RBFOX1: variants seen among roughly 807,000 people sequenced by gnomAD.
RBFOX1 encodes RNA binding fox-1 homolog 1.
A neutral mutation model predicts 57.7 loss-of-function variants in RBFOX1; 8 were observed. The ratio of observed to expected loss-of-function variants is 0.14; its 90% CI spans 0.08 to 0.25. The LOEUF (loss-of-function observed/expected upper bound fraction) is 0.25. RBFOX1 is among the 10% of genes least tolerant of loss of function. RBFOX1 has a pLI of 1.00. For missense variants in RBFOX1, 611 were observed against 548.5 expected (o/e 1.11, Z -1.14); for synonymous variants, 326 against 222.4 (o/e 1.47, Z -4.15).
chr16:6,927,340 G>C (rs1444085712), intron 3 of RBFOX1, among the ~76,000 whole-genome samples: 1 of 144,550 alleles, frequency 6.9e-6, no homozygotes, highest in Non-Finnish European at 1.5e-5. Flanking sequence ...TGGAACCCGG[G>C]AGGCAGAGGT....
chr16:7,541,505 G>T (rs1507026), intron 5 of RBFOX1, among the ~76,000 whole-genome samples: 7 of 151,660 alleles, frequency 4.6e-5, no homozygotes, highest in Admixed American at 3.9e-4. Flanking sequence ...AGTGAATTCA[G>T]TGTTCACTGT....
At chr16:5,668,337 G>T (rs1004570962) in intron 3 of RBFOX1, among the ~76,000 whole-genome samples, 1 of 152,040 alleles carries the variant, frequency 6.6e-6, no homozygotes, top group Non-Finnish European at 1.5e-5. Flanking sequence ...TATAATTAAG[G>T]TCATCTCTGA....
chr16:6,224,758 C>T (rs1011900200), intron 1 of RBFOX1, among the ~76,000 whole-genome samples: 3 of 152,116 alleles, frequency 2.0e-5, no homozygotes, highest in Admixed American at 6.6e-5. Context: ...CGGTGGCTCA[C>T]GCCCATAATC....
intron 4 of RBFOX1, among the ~76,000 whole-genome samples, chr16:7,357,065 T>G (rs2097228546): frequency 6.6e-6 from 1 of 152,128 alleles, no homozygotes; most frequent in Non-Finnish European, 1.5e-5. Flanking sequence ...CTTGGAACAT[T>G]CTGCATCAAG....
intron 2 of RBFOX1, among the ~76,000 whole-genome samples, chr16:6,510,167 G>C (rs1375655960): frequency 6.6e-6 from 1 of 152,128 alleles, no homozygotes; most frequent in African/African-American, 2.4e-5. Context: ...GGAAACATAT[G>C]TATGCTCTCT....
At chr16:5,360,472 C>G (rs1239916741) in intron 1 of RBFOX1, among the ~76,000 whole-genome samples, 1 of 152,216 alleles carries the variant, frequency 6.6e-6, no homozygotes, top group African/African-American at 2.4e-5. Context: ...CATGCATCAC[C>G]TACATGCACA....
intron 3 of RBFOX1, among the ~76,000 whole-genome samples, chr16:6,992,222 G>C (rs556557704): frequency 6.6e-6 from 1 of 151,018 alleles, no homozygotes; most frequent in East Asian, 2.0e-4. Flanking sequence ...GGAGTGCAGT[G>C]GTGCAATCTC....
chr16:7,710,886 T>C lies in RBFOX1; in HGVS notation c.*141T>C, dbSNP rs1313503917. 1.1e-6 allele frequency: 1 copy of C among 888,716 alleles called. No homozygotes were observed. 55.1% of individuals were successfully genotyped at this position (888,716 alleles called of 1,614,324 possible). ...CAAATAAAAAGGAAAAAAAATTACA[T>C]TTTTTATCTTATACCTCAGATATTT... On this transcript the variant is annotated 3_prime_UTR_variant, in exon 16 of 16. Coordinates refer to ENST00000550418, the MANE Select transcript of RBFOX1 (RefSeq NM_018723.4).
intron 4 of RBFOX1, among the ~76,000 whole-genome samples, chr16:7,340,714 G>C (rs2096875249): frequency 6.6e-6 from 1 of 152,182 alleles, no homozygotes; most frequent in African/African-American, 2.4e-5. Context: ...TATTAACTTT[G>C]TCATGACGTA....
intron 3 of RBFOX1, among the ~76,000 whole-genome samples, chr16:6,959,904 C>G (rs1328123446): frequency 6.6e-6 from 1 of 152,108 alleles, no homozygotes; most frequent in African/African-American, 2.4e-5. Flanking sequence ...CCATTGCACT[C>G]TAGCCTGGGC....
At chr16:7,478,821 C>T (rs115998065) in intron 4 of RBFOX1, among the ~76,000 whole-genome samples, 1 of 152,156 alleles carries the variant, frequency 6.6e-6, no homozygotes, top group Admixed American at 6.5e-5. Flanking sequence ...CAACAATACC[C>T]TGAGGATGTA....
At chr16:6,099,046 A>T (rs78853291) in intron 1 of RBFOX1, among the ~76,000 whole-genome samples, 1 of 152,174 alleles carries the variant, frequency 6.6e-6, no homozygotes, top group Non-Finnish European at 1.5e-5. Flanking sequence ...TAGGCAGAGA[A>T]TGTTTCTCCA....
intron 3 of RBFOX1, among the ~76,000 whole-genome samples, chr16:6,986,130 G>A (rs1271761161): frequency 6.8e-6 from 1 of 147,800 alleles, no homozygotes; most frequent in African/African-American, 2.5e-5. Flanking sequence ...ATGAAAAAAT[G>A]TAAGACTTGT....
chr16:7,275,670 G>GT (rs2153146978), intron 4 of RBFOX1, among the ~76,000 whole-genome samples: 1 of 152,274 alleles, frequency 6.6e-6, no homozygotes, highest in African/African-American at 2.4e-5. Flanking sequence ...CATAATTGGA[G>GT]TTCTGGACAC....
intron 4 of RBFOX1, among the ~76,000 whole-genome samples, chr16:7,300,499 T>C (rs2141982267): frequency 6.6e-6 from 1 of 152,348 alleles, no homozygotes; most frequent in Non-Finnish European, 1.5e-5. Flanking sequence ...CTAAGTCACA[T>C]CTTGACGTTG....
At chr16:6,627,936 C>T (rs1038330499) in intron 2 of RBFOX1, among the ~76,000 whole-genome samples, 4 of 152,224 alleles carry the variant, frequency 2.6e-5, no homozygotes, top group Non-Finnish European at 5.9e-5. Flanking sequence ...CCTCAACTGT[C>T]TCCTGTTCAA....
intron 13 of RBFOX1, among the ~76,000 whole-genome samples, chr16:7,667,239 G>T (rs1330736870): frequency 1.3e-5 from 2 of 152,112 alleles, no homozygotes. Context: ...ATTGCTGCTG[G>T]TGTGCATCCG....
intron 2 of RBFOX1, among the ~76,000 whole-genome samples, chr16:6,496,654 C>G (rs775516374): frequency 1.2e-4 from 18 of 152,158 alleles, no homozygotes; most frequent in Non-Finnish European, 2.1e-4. Flanking sequence ...GGAAACACAT[C>G]ACAGCTAAAT....
At chr16:5,726,809 T>A (rs1329944076) in intron 3 of RBFOX1, among the ~76,000 whole-genome samples, 1 of 152,242 alleles carries the variant, frequency 6.6e-6, no homozygotes, top group Non-Finnish European at 1.5e-5. Flanking sequence ...TTTGCCCCTT[T>A]ACACATTGAA....
Sources: allele counts gnomAD v4.1 joint callset (sites outside exome capture counted in the v4.1 genomes callset), GRCh38; gene constraint gnomAD v4.1.1; transcripts MANE v1.5; gene names NCBI Gene and HGNC (gene_info 2026-07-23, HGNC 2026-07-21).